Variants in SAFB observed in about 807,000 individuals in gnomAD.
SAFB encodes scaffold attachment factor B1.
In SAFB, 15 loss-of-function variants were observed where a neutral mutation model predicts 101.6. That is an observed-to-expected ratio of 0.15 (90% CI 0.10 to 0.23). The LOEUF is 0.23. Among genes scored for constraint, SAFB ranks in the 10% least tolerant of loss-of-function variants. SAFB has a pLI of 1.00. For missense variants in SAFB, 930 were observed against 1,104.1 expected (o/e 0.84, Z 2.23); for synonymous variants, 449 against 407.5 (o/e 1.10, Z -1.23).
intron 14 of SAFB, among the ~76,000 whole-genome samples, chr19:5,660,419 C>G (rs1167284302): frequency 8.2e-6 from 1 of 122,042 alleles, no homozygotes; most frequent in Non-Finnish European, 1.6e-5. Context: ...GTGGTGCAAT[C>G]ATAGTTCACT....
Position 5,635,301 on chromosome 19 carries a change from G to A in SAFB, c.275-6293G>A, listed in dbSNP as rs1175912099. On this transcript the variant is annotated intron_variant, in intron 2 of 20. Coordinates refer to ENST00000588852, the MANE Select transcript of SAFB (RefSeq NM_001201338.2). ...GTCAAAGATGGAGGTGGATCAATAC[G>A]CAGTACATAAAAATGTCCAAGGCCT... 3.9e-5 allele frequency among the ~76,000 whole-genome samples: 6 copies of A among 151,994 alleles called. 1 individual carries two copies. Among genetic ancestry groups the A allele is most frequent in the Non-Finnish European group, 8.8e-5 (6 of 67,950 alleles).
chr19:5,654,326 A>G (rs771130635), intron 12 of SAFB, 42 bp from the exon 13 acceptor site: 1 of 1,591,868 alleles, frequency 6.3e-7, no homozygotes, highest in Non-Finnish European at 8.6e-7. Flanking sequence ...TCATCTGGGT[A>G]TTCTTGGTTT....
At position 5,654,139 on chromosome 19, in the gene SAFB, G is replaced by A. The variant is rs2054002362; in HGVS notation, c.1605G>A (p.Lys535=). The part of the protein sequence containing the change: ...AKKGDDGSGE[K]SKDQDDQKPG... Reference sequence around the variant, plus strand: ...AGGGTGACGACGGAAGTGGAGAAAAGAGTAAGGACCAAGATGATCAGAAAC... The same window carrying A: ...AGGGTGACGACGGAAGTGGAGAAAAAAGTAAGGACCAAGATGATCAGAAAC... The change falls in exon 12 of 21, where the codon AAG becomes AAA. Residue 535 remains lysine, a synonymous_variant. Transcript: ENST00000588852. 1 of 1,614,214 alleles carries A rather than the reference G, an allele frequency of 6.2e-7. No homozygotes were observed. The highest frequency in any genetic ancestry group is 8.5e-7 in the Non-Finnish European group (1 of 1,180,026).
At position 5,667,143 on chromosome 19, in the gene SAFB, G is replaced by T; in HGVS notation, c.2432G>T (p.Arg811Leu). 6.3e-7 allele frequency: 1 copy of T among 1,596,008 alleles called. No individual in the cohort carries two copies. Among genetic ancestry groups the T allele is most frequent in the Non-Finnish European group, 8.6e-7 (1 of 1,165,440 alleles). The change falls in exon 18 of 21, where the codon CGG (arginine) becomes CTG (leucine). Residue 811 changes from arginine to leucine, a missense_variant. By Grantham distance (102) the Arg-to-Leu change is moderately radical (BLOSUM62 -2). Around this residue, in one of 7 missense-constraint regions of SAFB, gnomAD observed 318 missense variants for 342.6 expected, o/e 0.93. Transcript: ENST00000588852. The surrounding 1 kb of genome is among the most constrained non-coding windows in gnomAD (Gnocchi z 4.0). ...YGSDKRMSEG[R>L]GLPPPPRGRR... ...TCTGACAAGAGGATGAGCGAGGGCC[G>T]GGGGCTGCCTCCTCCCCCCAGGTTT...
At chr19:5,627,334 G>A (rs1026689625) in intron 2 of SAFB, among the ~76,000 whole-genome samples, 10 of 151,856 alleles carry the variant, frequency 6.6e-5, no homozygotes, top group African/African-American at 1.7e-4. Flanking sequence ...CCTAGGCGTC[G>A]AGGCACGCCT....
intron 6 of SAFB, 174 bp from the exon 7 acceptor site, chr19:5,648,815 G>A (rs2053877867): frequency 6.5e-6 from 4 of 615,516 alleles, no homozygotes; most frequent in South Asian, 5.3e-5. Context: ...AGAGGCGGTC[G>A]CGGCGCAGGT....
chr19:5,645,296 T>G, intron 4 of SAFB, 41 bp from the exon 5 acceptor site: 1 of 826,362 alleles, frequency 1.2e-6, no homozygotes, highest in East Asian at 2.4e-5. Flanking sequence ...GTTACGTTAT[T>G]GTTGGTGTGA....
At chr19:5,624,299 G>C (rs1471469200) in intron 1 of SAFB, among the ~76,000 whole-genome samples, 1 of 151,802 alleles carries the variant, frequency 6.6e-6, no homozygotes, top group African/African-American at 2.4e-5. Flanking sequence ...AGTTTGCGTG[G>C]AGCAGGCTTG....
At chr19:5,642,041 C>T (rs1214604126) in intron 4 of SAFB, 95 bp downstream of exon 4, 5 of 995,634 alleles carry the variant, frequency 5.0e-6, no homozygotes. Flanking sequence ...GTAAGTTGTT[C>T]TGTAATGCCA....
At chr19:5,637,950 A>T (rs1385964862) in intron 2 of SAFB, among the ~76,000 whole-genome samples, 3 of 152,224 alleles carry the variant, frequency 2.0e-5, no homozygotes, top group Non-Finnish European at 4.4e-5. Flanking sequence ...TAATTTGAGC[A>T]TGCCTATTCC....
In SAFB at chr19:5,645,372, T is replaced by C. The variant is rs1472603063; in HGVS notation, c.582T>C (p.Thr194=). The change falls in exon 5 of 21, where the codon ACT becomes ACC. Residue 194 remains threonine (T), a synonymous_variant. Coordinates refer to ENST00000588852, the MANE Select transcript of SAFB (RefSeq NM_001201338.2). ...EDKETINNLD[T]SSSDFTILQE... The stretch of plus-strand genomic sequence containing the variant: ...AAGAAACTATAAACAATTTAGATAC[T>C]TCATCATCTGACTTCACTATATTAC... 1.4e-6 allele frequency: 2 copies of C among 1,385,538 alleles called. No homozygotes were observed. The highest frequency in any genetic ancestry group is 4.6e-5 in the East Asian group (2 of 43,700). The allele number at this position is 1,385,538 out of a possible 1,614,324, so 85.8% of individuals were successfully genotyped here.
chr19:5,662,744 G>A (rs1476732026), intron 15 of SAFB, among the ~76,000 whole-genome samples: 26 of 144,842 alleles, frequency 1.8e-4, no homozygotes, highest in African/African-American at 6.2e-4. Flanking sequence ...GGGTTCAAGC[G>A]ATTCTCCTGC....
rs1261569337 is a variant in SAFB at position 5,623,228 on chromosome 19, T to G, written c.23T>G (p.Leu8Arg). MAETLSG[L>R]GDSGAAGAAA... ...GGAATGGCGGAGACTCTGTCAGGCC[T>G]AGGTGATTCTGGAGCGGCGGGCGCG... Residue 8 changes from leucine (L) to arginine (R), a missense_variant, in exon 1 of 21, where the codon CTA (leucine) becomes CGA (arginine). Physicochemically the swap from Leu to Arg is moderately radical, Grantham distance 102 (BLOSUM62 -2). Coordinates refer to ENST00000588852, the MANE Select transcript of SAFB (RefSeq NM_001201338.2). 9 of 1,603,566 alleles carry G rather than the reference T, an allele frequency of 5.6e-6. No individual in the cohort carries two copies. Among genetic ancestry groups the G allele is most frequent in the Non-Finnish European group, 7.7e-6 (9 of 1,175,498 alleles).
intron 14 of SAFB, among the ~76,000 whole-genome samples, chr19:5,659,989 T>C (rs535356145): frequency 6.6e-6 from 1 of 152,318 alleles, no homozygotes; most frequent in South Asian, 2.1e-4. Context: ...CGGAAGGTGC[T>C]GAGATCCACA....
In SAFB at chr19:5,657,315, G is replaced by A; in HGVS notation, c.1830G>A (p.Glu610=). The A allele has an allele frequency of 6.2e-7, 1 of 1,613,754 alleles. No homozygotes were observed. Among genetic ancestry groups the A allele is most frequent in the Non-Finnish European group, 8.5e-7 (1 of 1,179,718 alleles). ...RSVVSFDKVK[E]PRKSRDSESH... ...TCGTGTCCTTTGATAAGGTCAAGGA[G>A]CCTCGGAAGTCAAGAGACTCAGAGT... The change falls in exon 14 of 21, where the codon GAG becomes GAA. Residue 610 remains glutamate (E), a synonymous_variant. Coordinates refer to ENST00000588852, the MANE Select transcript of SAFB (RefSeq NM_001201338.2).
rs773269616 is a variant in SAFB at position 5,641,676 on chromosome 19, A to C, written c.339+18A>C. The C allele has an allele frequency of 6.2e-7, 1 of 1,613,788 alleles. No individual in the cohort carries two copies. Among genetic ancestry groups the C allele is most frequent in the South Asian group, 1.1e-5 (1 of 91,070 alleles). ...ATGGACAGGTATGTGCAGCCTTGCG[A>C]GTGAGTAGCGTGGTGGATGGACCAG... is the stretch of plus-strand genomic sequence containing the variant. On this transcript the variant is annotated intron_variant, in intron 3 of 20. Transcript: ENST00000588852.
In SAFB at chr19:5,623,184, C is replaced by A. The variant is rs777557846; in HGVS notation, c.-22C>A. 1.7e-5 allele frequency: 26 copies of A among 1,559,472 alleles called. No individual in the cohort carries two copies. The highest frequency in any genetic ancestry group is 2.3e-5 in the Non-Finnish European group (26 of 1,152,556). ...CCGGCCCGGTTCTGTGGAAAGTGGG[C>A]GGCGGAGCCAGGGTCCCTGGAATGG... On this transcript the variant is annotated 5_prime_UTR_variant, in exon 1 of 21. Transcript: ENST00000588852.
chr19:5,648,727 G>C (rs1379856350), intron 6 of SAFB: 2 of 625,758 alleles, frequency 3.2e-6, no homozygotes, highest in African/African-American at 3.7e-5. Context: ...AATGAAGACT[G>C]TCAAGAATCA....
At chr19:5,636,045 G>T (rs1458003919) in intron 2 of SAFB, among the ~76,000 whole-genome samples, 1 of 151,998 alleles carries the variant, frequency 6.6e-6, no homozygotes, top group Non-Finnish European at 1.5e-5. Context: ...TAAACATTTT[G>T]AAGATTGCAT....
Sources: gnomAD v4.1 joint callset for allele counts (sites outside exome capture counted in the v4.1 genomes callset) on GRCh38, gnomAD v4.1.1 for gene constraint, gnomAD v4.1.1 regional missense constraint, Gnocchi (gnomAD v3.1) non-coding constraint, MANE v1.5 for transcripts, NCBI Gene and HGNC (gene_info 2026-07-23, HGNC 2026-07-21) for gene names.